GRM8: variants seen among roughly 807,000 people sequenced by gnomAD.
GRM8 encodes the protein metabotropic glutamate receptor 8.
In GRM8, 47 loss-of-function variants were observed where a neutral mutation model predicts 87.2. The observed-to-expected ratio is 0.54, with a 90% CI of 0.43 to 0.69. The LOEUF (loss-of-function observed/expected upper bound fraction) is 0.69, where lower values mean the gene tolerates loss of function less well. Ranked by LOEUF, GRM8 falls within the 30% of genes least tolerant of loss-of-function variation. The pLI, the probability that GRM8 is intolerant of heterozygous loss-of-function variation, is 0.00. For missense variants in GRM8, 1,019 were observed against 1,139.2 expected (o/e 0.89, Z 1.52); for synonymous variants, 396 against 404.5 (o/e 0.98, Z 0.25).
chr7:126,609,144 T>C (rs1456752875), intron 8 of GRM8, among the ~76,000 whole-genome samples: 1 of 152,040 alleles, frequency 6.6e-6, no homozygotes, highest in Non-Finnish European at 1.5e-5. Context: ...AGGAAAAAAA[T>C]CAGATCATTC....
chr7:127,031,353 T>C (rs1160128074), intron 3 of GRM8, among the ~76,000 whole-genome samples: 1 of 152,096 alleles, frequency 6.6e-6, no homozygotes, highest in East Asian at 1.9e-4. Context: ...TTTCTCTATG[T>C]CCCTATTTAT....
chr7:126,852,465 T>C (rs997318928), intron 6 of GRM8, among the ~76,000 whole-genome samples: 4 of 152,196 alleles, frequency 2.6e-5, no homozygotes, highest in Non-Finnish European at 5.9e-5. Context: ...AGCAGGATGG[T>C]ATTCGGTAAT....
chr7:126,797,376 T>C (rs1244675301), intron 6 of GRM8, among the ~76,000 whole-genome samples: 3 of 152,128 alleles, frequency 2.0e-5, no homozygotes, highest in Non-Finnish European at 4.4e-5. Context: ...ATTTTTAACA[T>C]TTAATCTGGA....
intron 7 of GRM8, among the ~76,000 whole-genome samples, chr7:126,730,506 G>C (rs1813471487): frequency 6.6e-6 from 1 of 152,136 alleles, no homozygotes; most frequent in African/African-American, 2.4e-5. Flanking sequence ...ACTGTGGGGG[G>C]ACCTGGATGT....
intron 3 of GRM8, among the ~76,000 whole-genome samples, chr7:127,095,224 C>A (rs1307443070): frequency 2.0e-5 from 3 of 152,172 alleles, no homozygotes; most frequent in Non-Finnish European, 2.9e-5. Flanking sequence ...CAGAGAGGGG[C>A]TCAGGGTTCA....
At chr7:126,528,802 T>A (rs1814339201) in intron 9 of GRM8, among the ~76,000 whole-genome samples, 1 of 152,126 alleles carries the variant, frequency 6.6e-6, no homozygotes, top group Non-Finnish European at 1.5e-5. Context: ...GGGGAACTCA[T>A]TACCACCTAT....
chr7:126,673,850 T>C (rs1806655095), intron 7 of GRM8, among the ~76,000 whole-genome samples: 2 of 152,220 alleles, frequency 1.3e-5, no homozygotes, highest in South Asian at 4.1e-4. Context: ...ACTCAGCGTC[T>C]TTAGTTTTAT....
chr7:126,916,927 T>C (rs910770946), intron 3 of GRM8, among the ~76,000 whole-genome samples: 10 of 152,182 alleles, frequency 6.6e-5, no homozygotes, highest in East Asian at 1.9e-4. Context: ...TCATTCCCTA[T>C]AGGAGGATTT....
Position 126,902,549 on chromosome 7 carries a change from TTTC to T in GRM8, c.1146_1148del (p.Lys383del), listed in dbSNP as rs1434988701. The T allele has an allele frequency of 5.0e-6, 8 of 1,592,322 alleles. No individual in the cohort carries two copies. Among genetic ancestry groups the T allele is most frequent in the Non-Finnish European group, 6.8e-6 (8 of 1,171,962 alleles). On this transcript the variant is annotated inframe_deletion, in exon 6 of 11. Transcript: ENST00000339582. ...AAACATTTGAGTGGTTACCTGTGCATTTCTTTATATGACTGTTCCTTTTCCCAT... is the reference window on the plus strand; with the variant it reads ...AAACATTTGAGTGGTTACCTGTGCATTTTATATGACTGTTCCTTTTCCCAT...
intron 2 of GRM8, among the ~76,000 whole-genome samples, chr7:127,133,572 G>C (rs1353510741): frequency 6.6e-6 from 1 of 151,748 alleles, no homozygotes; most frequent in African/African-American, 2.4e-5. Context: ...CAGGCATGGT[G>C]GCAGGCGCCT....
chr7:126,744,485 G>T (rs868330912), intron 7 of GRM8, among the ~76,000 whole-genome samples: 1 of 151,918 alleles, frequency 6.6e-6, no homozygotes. Flanking sequence ...ATCAACTAGC[G>T]TAATGTTTTG....
At chr7:126,588,217 AAGAC>A (rs1334823427) in intron 8 of GRM8, among the ~76,000 whole-genome samples, 9 of 152,246 alleles carry the variant, frequency 5.9e-5, no homozygotes, top group African/African-American at 2.2e-4. Context: ...TAACTTAAGA[AAGAC>A]AGAGCAGAGA....
At chr7:126,688,646 T>G (rs1312501628) in intron 7 of GRM8, among the ~76,000 whole-genome samples, 1 of 151,916 alleles carries the variant, frequency 6.6e-6, no homozygotes, top group Admixed American at 6.6e-5. Context: ...TGGCAAGTAT[T>G]ATAGGAAATA....
chr7:126,562,529 G>C (rs936361164), intron 8 of GRM8, among the ~76,000 whole-genome samples: 48 of 152,182 alleles, frequency 3.2e-4, no homozygotes, highest in Non-Finnish European at 5.9e-5. Flanking sequence ...AATTAAATAA[G>C]AAGTTTCAAT....
At chr7:127,229,986 G>C (rs1471325225) in intron 2 of GRM8, 1 of 152,114 alleles carries the variant, frequency 6.6e-6, no homozygotes, top group Non-Finnish European at 1.5e-5. Context: ...AAACAGTCAA[G>C]ATATGCATGT....
chr7:126,685,752 C>A lies in GRM8; in HGVS notation c.1358-76254G>T, dbSNP rs2078821. Among the ~76,000 whole-genome samples, 2,089 of 152,178 alleles carry A rather than the reference C, an allele frequency of 0.014. 14 individuals are homozygous for A. The highest frequency in any genetic ancestry group is 0.021 in the Non-Finnish European group (1,398 of 67,972). On this transcript the variant is annotated intron_variant, in intron 7 of 10. Transcript: ENST00000339582. The surrounding 1 kb of genome is among the most constrained non-coding windows in gnomAD (Gnocchi z 4.2). Reference sequence around the variant, plus strand: ...CAGCGGGGTACTGGCCTGCAGGCGCCCCTTGGCATGAACGGTCTGGGTGCG... The same window carrying A: ...CAGCGGGGTACTGGCCTGCAGGCGCACCTTGGCATGAACGGTCTGGGTGCG...
intron 3 of GRM8, among the ~76,000 whole-genome samples, chr7:127,065,522 T>C (rs993685743): frequency 1.3e-5 from 2 of 151,956 alleles, no homozygotes; most frequent in African/African-American, 2.4e-5. Context: ...TAAAATAAAT[T>C]AAATGTTTTA....
At chr7:126,558,665 A>G (rs138717921) in intron 8 of GRM8, among the ~76,000 whole-genome samples, 81 of 152,330 alleles carry the variant, frequency 5.3e-4, no homozygotes, top group South Asian at 1.4e-3. Context: ...TTTAGGGAAT[A>G]ATGATGAGAA....
intron 7 of GRM8, among the ~76,000 whole-genome samples, chr7:126,766,332 C>T (rs557660692): frequency 2.0e-5 from 3 of 152,188 alleles, no homozygotes; most frequent in African/African-American, 7.2e-5. Context: ...ACACCGATAA[C>T]GTGGTTTTAC....
Sources: allele counts gnomAD v4.1 joint callset (sites outside exome capture counted in the v4.1 genomes callset), GRCh38; gene constraint gnomAD v4.1.1; non-coding constraint Gnocchi (gnomAD v3.1); transcripts MANE v1.5; gene names NCBI Gene and HGNC (gene_info 2026-07-23, HGNC 2026-07-21).